The following SLC44A5 variants were observed in gnomAD, a reference collection of about 807,000 sequenced individuals.
SLC44A5 encodes the protein solute carrier family 44 member 5.
A neutral mutation model predicts 101.8 loss-of-function variants in SLC44A5; 57 were observed. That is an observed-to-expected ratio of 0.56 (90% CI 0.45 to 0.70). SLC44A5 has a LOEUF of 0.70. Ranked by LOEUF, SLC44A5 falls within the 30% of genes least tolerant of loss-of-function variation. SLC44A5 has a pLI of 0.00. For missense variants in SLC44A5, 737 were observed against 853.1 expected (o/e 0.86, Z 1.70); for synonymous variants, 281 against 290.9 (o/e 0.97, Z 0.35).
chr1:75,679,541 A>C, the SLC44A5 span, among the ~76,000 whole-genome samples: 6 of 151,510 alleles, frequency 4.0e-5, no homozygotes, highest in East Asian at 5.8e-4. Context: ...GAAATAAAAT[A>C]CTTTACAGAC....
intron 3 of SLC44A5, among the ~76,000 whole-genome samples, chr1:75,371,665 A>C (rs1008586490): frequency 2.6e-5 from 4 of 152,234 alleles, no homozygotes; most frequent in Non-Finnish European, 5.9e-5. Context: ...AGTCTAAATT[A>C]TTTCCAGCTA....
intron 13 of SLC44A5, among the ~76,000 whole-genome samples, chr1:75,224,358 C>T (rs1278074094): frequency 6.6e-6 from 1 of 152,124 alleles, no homozygotes; most frequent in Non-Finnish European, 1.5e-5. Flanking sequence ...TCAGAGTGTA[C>T]TCCCACTACT....
At chr1:75,254,901 C>A (rs1339323777) in intron 6 of SLC44A5, among the ~76,000 whole-genome samples, 3 of 152,010 alleles carry the variant, frequency 2.0e-5, no homozygotes, top group Non-Finnish European at 4.4e-5. Flanking sequence ...TGAGCTAAAA[C>A]TAAAATTGCA....
chr1:75,637,797 G>A, the SLC44A5 span, among the ~76,000 whole-genome samples: 1 of 151,730 alleles, frequency 6.6e-6, no homozygotes, highest in Non-Finnish European at 1.5e-5. Flanking sequence ...TATTTTATTG[G>A]GAAAATTTAT....
chr1:75,362,824 A>AG (rs199557637), intron 3 of SLC44A5, among the ~76,000 whole-genome samples: 7 of 151,970 alleles, frequency 4.6e-5, no homozygotes, highest in African/African-American at 1.2e-4. Context: ...CTAAAGTGTA[A>AG]GGGGGGTGAG....
chr1:75,239,500 G>T (rs1648418673), intron 9 of SLC44A5, among the ~76,000 whole-genome samples: 1 of 151,900 alleles, frequency 6.6e-6, no homozygotes, highest in African/African-American at 2.4e-5. Flanking sequence ...AGAAGAAATA[G>T]GTCTCTTTAA....
intron 4 of SLC44A5, among the ~76,000 whole-genome samples, chr1:75,330,965 TC>T (rs1329754580): frequency 7.5e-6 from 1 of 133,064 alleles, no homozygotes; most frequent in Non-Finnish European, 1.6e-5. Context: ...AAACTTTCTC[TC>T]TTTTTTTTTT....
chr1:75,364,248 T>A (rs1054912977), intron 3 of SLC44A5, among the ~76,000 whole-genome samples: 3 of 152,142 alleles, frequency 2.0e-5, no homozygotes, highest in Non-Finnish European at 4.4e-5. Context: ...AAGAAAAGAA[T>A]TTACCATTAT....
chr1:75,472,246 C>T (rs758804009), intron 2 of SLC44A5, among the ~76,000 whole-genome samples: 12 of 151,984 alleles, frequency 7.9e-5, no homozygotes, highest in Non-Finnish European at 1.2e-4. Flanking sequence ...GAAAGTGTGC[C>T]GAGCACCTGT....
At chr1:75,238,445 A>C in intron 10 of SLC44A5, 68 bp downstream of exon 10, 1 of 1,224,998 alleles carries the variant, frequency 8.2e-7, no homozygotes. Flanking sequence ...TTAACCCAAT[A>C]GGCGCTTTAG....
chr1:75,464,206 A>T (rs1666677839), intron 2 of SLC44A5, among the ~76,000 whole-genome samples: 1 of 123,330 alleles, frequency 8.1e-6, no homozygotes, highest in Non-Finnish European at 1.6e-5. Flanking sequence ...TGGGCGACAG[A>T]GTGAGACTCT....
At chr1:75,259,009 G>A (rs771011173) in intron 6 of SLC44A5, among the ~76,000 whole-genome samples, 1 of 152,046 alleles carries the variant, frequency 6.6e-6, no homozygotes, top group African/African-American at 2.4e-5. Flanking sequence ...TCTACTCAGA[G>A]ACCCCAGCCA....
the SLC44A5 span, among the ~76,000 whole-genome samples, chr1:75,645,624 T>G: frequency 6.6e-6 from 1 of 151,620 alleles, no homozygotes; most frequent in African/African-American, 2.4e-5. Context: ...AGAAGCTCTT[T>G]AGTTTAATTG....
At chr1:75,534,853 T>G (rs530533662) in intron 2 of SLC44A5, among the ~76,000 whole-genome samples, 10 of 152,280 alleles carry the variant, frequency 6.6e-5, no homozygotes, top group Admixed American at 2.6e-4. Context: ...GAGAGAGAGA[T>G]AAACATCTAC....
At chr1:75,541,634 A>G in intron 1 of SLC44A5, 118 bp from the exon 2 acceptor site, 2 of 561,168 alleles carry the variant, frequency 3.6e-6, no homozygotes, top group Non-Finnish European at 6.1e-6. Context: ...CCAAAAACTC[A>G]GAGAATTAGC....
At chr1:75,480,449 G>C (rs548835760) in intron 2 of SLC44A5, among the ~76,000 whole-genome samples, 2 of 152,322 alleles carry the variant, frequency 1.3e-5, no homozygotes, top group Admixed American at 1.3e-4. Flanking sequence ...ATTAGGAAAA[G>C]AGGAAGTCAA....
the SLC44A5 span, among the ~76,000 whole-genome samples, chr1:75,677,282 CA>C: frequency 1.3e-5 from 2 of 151,994 alleles, no homozygotes; most frequent in East Asian, 1.9e-4. Flanking sequence ...ATAATAACTA[CA>C]AAAACTTTTC....
rs559950556 is a variant in SLC44A5, at chr1:75,291,294, T to G, written c.175+9318A>C. 2.9e-4 allele frequency among the ~76,000 whole-genome samples: 44 copies of G among 152,272 alleles called. 1 individual carries two copies. The highest frequency in any genetic ancestry group is 1.0e-3 in the African/African-American group (43 of 41,546). ...AATAATGAGGACGAGAGTTTATGGG[T>G]TTTTTTCCTTCATTCATTGTACAAA... On this transcript the variant is annotated intron_variant, in intron 5 of 23. Coordinates refer to ENST00000370859, the MANE Select transcript of SLC44A5 (RefSeq NM_001130058.2).
chr1:75,656,841 C>T, the SLC44A5 span, among the ~76,000 whole-genome samples: 50 of 152,098 alleles, frequency 3.3e-4, no homozygotes, highest in Non-Finnish European at 2.6e-4. Context: ...ATAACATGAA[C>T]TAAATTCTCC....
Sources: gnomAD v4.1 joint callset for allele counts (sites outside exome capture counted in the v4.1 genomes callset) on GRCh38, gnomAD v4.1.1 for gene constraint, MANE v1.5 for transcripts, NCBI Gene and HGNC (gene_info 2026-07-23, HGNC 2026-07-21) for gene names.